The following PHF21A variants were observed in gnomAD, a reference collection of about 807,000 sequenced individuals.
The protein encoded by PHF21A is PHD finger protein 21A.
Under a neutral mutation model 82.5 loss-of-function variants are expected in PHF21A, and 11 were observed. That is an observed-to-expected ratio of 0.13 (90% CI 0.08 to 0.22). The LOEUF is 0.22. PHF21A is among the 10% of genes least tolerant of loss of function. The probability of loss-of-function intolerance (pLI) is 1.00; values close to 1 mark genes in which losing one functional copy is unlikely to be tolerated. For synonymous variants in PHF21A, 297 were observed against 302.8 expected (o/e 0.98, Z 0.20); for missense variants, 579 against 837.8 (o/e 0.69, Z 3.81).
At chr11:46,023,040 C>T (rs972772415) in intron 6 of PHF21A, among the ~76,000 whole-genome samples, 8 of 152,054 alleles carry the variant, frequency 5.3e-5, no homozygotes, top group African/African-American at 1.7e-4. Context: ...CATGAGCCAC[C>T]GCGCCCGGCC....
At chr11:46,052,911 A>ATGTGTGTG (rs964927974) in intron 6 of PHF21A, among the ~76,000 whole-genome samples, 20 of 152,164 alleles carry the variant, frequency 1.3e-4, no homozygotes, top group African/African-American at 4.6e-4. Flanking sequence ...TTCAAGGGGC[A>ATGTGTGTG]TGTGTGTGTG....
At chr11:46,078,347 G>C (rs2096752256) in intron 5 of PHF21A, among the ~76,000 whole-genome samples, 1 of 151,980 alleles carries the variant, frequency 6.6e-6, no homozygotes, top group Admixed American at 6.6e-5. Context: ...TGTATGTACT[G>C]TTTATCAACC....
At chr11:45,992,066 C>T (rs2094723250) in intron 6 of PHF21A, among the ~76,000 whole-genome samples, 1 of 152,158 alleles carries the variant, frequency 6.6e-6, no homozygotes, top group African/African-American at 2.4e-5. Context: ...CTGACATCAA[C>T]TGGAGAGGCA....
chr11:46,088,833 T>C (rs2096887617), intron 3 of PHF21A, among the ~76,000 whole-genome samples: 1 of 152,040 alleles, frequency 6.6e-6, no homozygotes, highest in South Asian at 2.1e-4. Context: ...TCTAAGGAGG[T>C]TCTTCTAACT....
At chr11:46,070,975 G>T (rs1215543980) in intron 6 of PHF21A, among the ~76,000 whole-genome samples, 1 of 152,040 alleles carries the variant, frequency 6.6e-6, no homozygotes, top group Non-Finnish European at 1.5e-5. Flanking sequence ...CTTTTCTGGG[G>T]GTTATTTGGA....
At chr11:45,989,538 G>A (rs892007339) in intron 6 of PHF21A, among the ~76,000 whole-genome samples, 25 of 149,132 alleles carry the variant, frequency 1.7e-4, no homozygotes, top group Non-Finnish European at 2.8e-4. Flanking sequence ...GCCTGATGTT[G>A]CGCACCTGTA....
intron 6 of PHF21A, among the ~76,000 whole-genome samples, chr11:46,024,822 A>C (rs185014024): frequency 2.6e-5 from 4 of 152,248 alleles, no homozygotes; most frequent in Admixed American, 2.0e-4. Context: ...GAAAGAAAGA[A>C]AGACTTAGGG....
chr11:45,976,608 G>A (rs898003695), intron 7 of PHF21A, among the ~76,000 whole-genome samples: 3 of 152,182 alleles, frequency 2.0e-5, no homozygotes, highest in Non-Finnish European at 4.4e-5. Flanking sequence ...GTGGGAGACC[G>A]AGATGGGTGG....
Position 45,956,141 on chromosome 11 carries a change from A to G in PHF21A, c.997-2516T>C, listed in dbSNP as rs111769395. Among the ~76,000 whole-genome samples the G allele has an allele frequency of 1.1e-3, 174 of 152,360 alleles. 1 individual carries two copies. Among genetic ancestry groups the G allele is most frequent in the African/African-American group, 4.2e-3 (173 of 41,598 alleles). On this transcript the variant is annotated intron_variant, in intron 10 of 18. Coordinates refer to ENST00000676320, the MANE Select transcript of PHF21A (RefSeq NM_001352027.3). ...ACAAAACCAGAGGACATTCACTGCT[A>G]GTATACCAGTTCTAAAAGATATGTT...
chr11:46,009,573 A>G (rs1052697187), intron 6 of PHF21A, among the ~76,000 whole-genome samples: 1 of 152,228 alleles, frequency 6.6e-6, no homozygotes, highest in Non-Finnish European at 1.5e-5. Context: ...TACATAATTT[A>G]ATCTTCAAAG....
rs752635361 is a variant in PHF21A, at chr11:45,934,055, A to T, written c.1959T>A (p.Pro653=). 2 of 1,613,264 alleles carry T rather than the reference A, an allele frequency of 1.2e-6. No homozygotes were observed. Among genetic ancestry groups the T allele is most frequent in the Non-Finnish European group, 1.7e-6 (2 of 1,179,606 alleles). ...AISNGPDCTP[P]ANAATSTPAP... is the part of the protein sequence containing the mutation. ...CCGGCGTGGAGGTGGCGGCATTGGCAGGGGGGGTGCAGTCCGGGCCATTGG... is the reference window on the plus strand; with the variant it reads ...CCGGCGTGGAGGTGGCGGCATTGGCTGGGGGGGTGCAGTCCGGGCCATTGG... The change falls in exon 19 of 19, where the codon CCT becomes CCA. Residue 653 remains proline, a synonymous_variant. Coordinates refer to ENST00000676320, the MANE Select transcript of PHF21A (RefSeq NM_001352027.3).
chr11:46,064,535 A>C (rs1435500657), intron 6 of PHF21A, among the ~76,000 whole-genome samples: 1 of 152,218 alleles, frequency 6.6e-6, no homozygotes, highest in Non-Finnish European at 1.5e-5. Flanking sequence ...ATCTTCTGAA[A>C]ACATAATTTT....
At chr11:46,040,297 G>A (rs987179545) in intron 6 of PHF21A, among the ~76,000 whole-genome samples, 2 of 152,208 alleles carry the variant, frequency 1.3e-5, no homozygotes, top group African/African-American at 4.8e-5. Context: ...GTGGGGAGGT[G>A]CTGGAAGGAA....
rs1318481566 is a variant in PHF21A, at chr11:45,929,991, GA to G, written c.*3976del. On this transcript the variant is annotated 3_prime_UTR_variant, in exon 19 of 19. Transcript: ENST00000676320. ...CACTCAACAGAAGCCACGGGATCTG[GA>G]GAACCCAGGCCCTGGAAAATGCACC... The G allele has an allele frequency of 6.6e-6, 1 of 152,226 alleles. No individual in the cohort carries two copies. The highest frequency in any genetic ancestry group is 1.5e-5 in the Non-Finnish European group (1 of 68,072). 9.4% of individuals were successfully genotyped at this position (152,226 alleles called of 1,614,324 possible).
intron 1 of PHF21A, among the ~76,000 whole-genome samples, chr11:46,110,508 G>A (rs1476286098): frequency 1.3e-5 from 2 of 152,026 alleles, no homozygotes; most frequent in East Asian, 3.9e-4. Flanking sequence ...AATCACATGG[G>A]TACATATAAT....
chr11:46,056,495 GAAA>G (rs2096459087), intron 6 of PHF21A, among the ~76,000 whole-genome samples: 1 of 152,092 alleles, frequency 6.6e-6, no homozygotes, highest in African/African-American at 2.4e-5. Flanking sequence ...TTTAAAACAA[GAAA>G]TTGGGCTTTT....
At position 46,070,914 on chromosome 11, in the gene PHF21A, C is replaced by T. The variant is rs553664555; in HGVS notation, c.153+5840G>A. 4.6e-5 allele frequency among the ~76,000 whole-genome samples: 7 copies of T among 152,252 alleles called. No homozygotes were observed. In the South Asian group the frequency reaches 1.5e-3, roughly 32 times the overall value. Reference sequence around the variant, plus strand: ...GCTTTTTTCCCCTGTGACAGGGTATCTCATGGGGAAAATCACTTATTATCA... The same window carrying T: ...GCTTTTTTCCCCTGTGACAGGGTATTTCATGGGGAAAATCACTTATTATCA... On this transcript the variant is annotated intron_variant, in intron 6 of 18. Transcript: ENST00000676320.
intron 1 of PHF21A, among the ~76,000 whole-genome samples, chr11:46,118,417 TA>T (rs10718245): frequency 0.71 from 93,325 of 131,426 alleles, 34,288 homozygotes; most frequent in Non-Finnish European, 0.85. Context: ...AGTCTGATGT[TA>T]AAAAAAAAAA....
intron 1 of PHF21A, among the ~76,000 whole-genome samples, chr11:46,109,350 C>T (rs1410512967): frequency 6.6e-6 from 1 of 152,132 alleles, no homozygotes; most frequent in African/African-American, 2.4e-5. Flanking sequence ...ACATAATAAA[C>T]ACTCTTTATT....
Sources: gnomAD v4.1 joint callset for allele counts (sites outside exome capture counted in the v4.1 genomes callset) on GRCh38, gnomAD v4.1.1 for gene constraint, MANE v1.5 for transcripts, NCBI Gene and HGNC (gene_info 2026-07-23, HGNC 2026-07-21) for gene names.